The following TRIM77 variants were observed in gnomAD, a reference collection of about 807,000 sequenced individuals.
TRIM77 encodes tripartite motif containing 77.
Under a neutral mutation model 31.8 loss-of-function variants are expected in TRIM77, and 23 were observed. The observed-to-expected ratio is 0.72, with a 90% CI of 0.52 to 1.02. The LOEUF (loss-of-function observed/expected upper bound fraction) is 1.02. Ranked by LOEUF, TRIM77 falls within the 50% of genes least tolerant of loss-of-function variation. The pLI is 0.00. For missense variants in TRIM77, 446 were observed against 539.2 expected (o/e 0.83, Z 1.71); for synonymous variants, 159 against 183.1 (o/e 0.87, Z 1.06).
rs773168919 is a variant in TRIM77, at chr11:89,717,397, G to A, written c.878G>A (p.Arg293His). 65 of 1,549,646 alleles carry A rather than the reference G, an allele frequency of 4.2e-5. 1 individual carries two copies. The highest frequency in any genetic ancestry group is 1.2e-4 in the South Asian group (10 of 83,858). ...GCCATAGTGTATATCACCTTGGATC[G>A]TAAGATATGCAGTAATCACAAGCTT... ...NFFRVYITLD[R>H]KICSNHKLLF... Residue 293 changes from arginine to histidine, a missense_variant, in exon 6 of 6, where the codon CGT becomes CAT. This residue lies in a region of TRIM77 where 366 missense variants were observed against 447.9 expected (regional missense o/e 0.82). Coordinates refer to ENST00000398290, the MANE Select transcript of TRIM77 (RefSeq NM_001146162.1).
Position 89,710,473 on chromosome 11 carries a change from T to A in TRIM77, c.175T>A (p.Ser59Thr), listed in dbSNP as rs1407938153. Residue 59 changes from serine to threonine, a missense_variant, in exon 1 of 6, where the codon TCA (serine) becomes ACA (threonine). Around this residue, in one of 3 missense-constraint regions of TRIM77, gnomAD observed 8 missense variants for 26.5 expected, o/e 0.30. Coordinates refer to ENST00000398290, the MANE Select transcript of TRIM77 (RefSeq NM_001146162.1). ...TTGCTGCCCTGTGTGCAGGGAAATA[T>A]CACAGCAAATGTACTTCAAACGCAT... ...PNCCPVCREI[S>T]QQMYFKRIIF... The A allele has an allele frequency of 6.4e-7, 1 of 1,551,618 alleles. No individual in the cohort carries two copies. The highest frequency in any genetic ancestry group is 8.7e-7 in the Non-Finnish European group (1 of 1,146,868).
chr11:89,712,544 A>G (rs1949129492), intron 2 of TRIM77, among the ~76,000 whole-genome samples: 1 of 152,230 alleles, frequency 6.6e-6, no homozygotes, highest in African/African-American at 2.4e-5. Flanking sequence ...ATGCTGGCCA[A>G]GAAGAACCCA....
At chr11:89,715,259 T>C (rs1385774404) in intron 4 of TRIM77, 79 bp downstream of exon 4, 2 of 1,275,860 alleles carry the variant, frequency 1.6e-6, no homozygotes, top group South Asian at 2.6e-5. Context: ...CCCACACTTT[T>C]AGTGAGGAAT....
chr11:89,717,699 C>A lies in TRIM77; in HGVS notation c.1180C>A (p.Pro394Thr). ...CCATTTCAGTCTCTTCTCTACCTCC[C>A]CACTGTTACCTCACTATATTCCAAG... ...DDHFSLFSTS[P>T]LLPHYIPRPQ... Residue 394 changes from proline (P) to threonine (T), a missense_variant, in exon 6 of 6, where the codon CCA (proline) becomes ACA (threonine). Pro to Thr is a conservative substitution (Grantham distance 38). Transcript: ENST00000398290. 1 of 1,551,264 alleles carries A rather than the reference C, an allele frequency of 6.4e-7. No homozygotes were observed. Among genetic ancestry groups the A allele is most frequent in the Non-Finnish European group, 8.7e-7 (1 of 1,146,708 alleles).
chr11:89,710,396 G>A lies in TRIM77; in HGVS notation c.98G>A (p.Arg33Lys). The change falls in exon 1 of 6, where the codon AGA becomes AAA. Residue 33 changes from arginine (R) to lysine (K), a missense_variant. Around this residue, in one of 3 missense-constraint regions of TRIM77, gnomAD observed 72 missense variants for 64.7 expected, o/e 1.11. Transcript: ENST00000398290. ...CCTGTCACCATTTGTTGTGGGCACAGATTTTGTAGTCCCTGTCTCTGCCTC... is the reference window on the plus strand; with the variant it reads ...CCTGTCACCATTTGTTGTGGGCACAAATTTTGTAGTCCCTGTCTCTGCCTC... Reference protein sequence around the residue: ...TDPVTICCGHRFCSPCLCLLW... With the variant: ...TDPVTICCGHKFCSPCLCLLW... 2 of 1,551,986 alleles carry A rather than the reference G, an allele frequency of 1.3e-6. No homozygotes were observed. The highest frequency in any genetic ancestry group is 1.7e-6 in the Non-Finnish European group (2 of 1,147,036).
At position 89,715,950 on chromosome 11, in the gene TRIM77, C is replaced by T. The variant is rs1267699538; in HGVS notation, c.822C>T (p.Thr274=). 10 of 1,548,096 alleles carry T rather than the reference C, an allele frequency of 6.5e-6. No individual in the cohort carries two copies. Among genetic ancestry groups the T allele is most frequent in the Non-Finnish European group, 8.7e-6 (10 of 1,144,502 alleles). The change falls in exon 5 of 6, where the codon ACC becomes ACT. Residue 274 remains threonine (T), a synonymous_variant. Coordinates refer to ENST00000398290, the MANE Select transcript of TRIM77 (RefSeq NM_001146162.1). The part of the protein sequence containing the change: ...QPVNPQLSAW[T]ITGVSERLNF... ...TGAACCCACAGCTCAGTGCATGGAC[C>T]ATCACTGGGGTGTCAGAAAGGCTTA... is the stretch of plus-strand genomic sequence containing the variant.
chr11:89,711,109 T>C (rs965655105), intron 1 of TRIM77, among the ~76,000 whole-genome samples: 4 of 152,194 alleles, frequency 2.6e-5, no homozygotes, highest in African/African-American at 9.6e-5. Flanking sequence ...GTACTGTAGA[T>C]AAGTTGAGGG....
chr11:89,713,287 A>T (rs1389328114), intron 2 of TRIM77, among the ~76,000 whole-genome samples: 34 of 149,042 alleles, frequency 2.3e-4, no homozygotes, highest in African/African-American at 8.4e-4. Flanking sequence ...AAAAAAAAAA[A>T]AAAAAAAAAA....
intron 2 of TRIM77, among the ~76,000 whole-genome samples, chr11:89,713,659 G>A (rs959095758): frequency 1.3e-5 from 2 of 151,854 alleles, no homozygotes; most frequent in East Asian, 1.9e-4. Flanking sequence ...GAAGACAGAC[G>A]CAGGCAGAAG....
intron 2 of TRIM77, among the ~76,000 whole-genome samples, chr11:89,712,599 G>T (rs1285396186): frequency 6.6e-6 from 1 of 152,200 alleles, no homozygotes; most frequent in Non-Finnish European, 1.5e-5. Flanking sequence ...CAGTGGCTTT[G>T]TAAGAATGTA....
At position 89,717,604 on chromosome 11, in the gene TRIM77, G is replaced by A. The variant is rs1262179846; in HGVS notation, c.1085G>A (p.Trp362Ter). The change falls in exon 6 of 6, where the codon TGG becomes TAG. Residue 362 changes from tryptophan to a stop codon, truncating the protein, a stop_gained. Transcript: ENST00000398290. LOFTEE classifies it low-confidence loss of function (END_TRUNC). ...NWVIGLCREA[W>*]TKRNDMRLDS... ...GTTATAGGACTTTGCAGAGAAGCCT[G>A]GACAAAGAGGAATGACATGCGACTT... The A allele has an allele frequency of 6.4e-7, 1 of 1,551,252 alleles. No individual in the cohort carries two copies. The highest frequency in any genetic ancestry group is 2.4e-5 in the East Asian group (1 of 40,914).
intron 5 of TRIM77, among the ~76,000 whole-genome samples, chr11:89,716,923 T>C (rs1292467961): frequency 6.6e-6 from 1 of 152,198 alleles, no homozygotes; most frequent in Non-Finnish European, 1.5e-5. Flanking sequence ...TGGCATCTTA[T>C]GAATAAGCTG....
At position 89,710,652 on chromosome 11, in the gene TRIM77, C is replaced by G; in HGVS notation, c.354C>G (p.Ser118=). ...TGCTGTGTTTTCTATGCTCTCAATC[C>G]CCAAGGCATGCTACTCACAAACACT... ...RSLLCFLCSQ[S]PRHATHKHYM... is the part of the protein sequence containing the mutation. Residue 118 remains serine, a synonymous_variant, in exon 1 of 6, where the codon TCC becomes TCG. Coordinates refer to ENST00000398290, the MANE Select transcript of TRIM77 (RefSeq NM_001146162.1). The G allele has an allele frequency of 6.4e-7, 1 of 1,550,698 alleles. No individual in the cohort carries two copies. Among genetic ancestry groups the G allele is most frequent in the Non-Finnish European group, 8.7e-7 (1 of 1,146,448 alleles).
intron 4 of TRIM77, among the ~76,000 whole-genome samples, chr11:89,715,614 A>C (rs1303411281): frequency 6.6e-6 from 1 of 152,214 alleles, no homozygotes; most frequent in Admixed American, 6.5e-5. Context: ...CAGATTTCAG[A>C]AATTAAATGA....
rs771304276 is a variant in TRIM77 at position 89,714,380 on chromosome 11, A to G, written c.696A>G (p.Lys232=). 52 of 1,551,558 alleles carry G rather than the reference A, an allele frequency of 3.4e-5. 1 individual carries two copies. Among genetic ancestry groups the G allele is most frequent in the Non-Finnish European group, 4.4e-5 (51 of 1,146,992 alleles). ...TACTCCTGAGAGAAATGTATGAGAA[A>G]CTGAAGGAAATGAGCTGTAAAGCAG... ...MGILLREMYE[K]LKEMSCKADV... The change falls in exon 3 of 6, where the codon AAA becomes AAG. Residue 232 remains lysine, a synonymous_variant. Coordinates refer to ENST00000398290, the MANE Select transcript of TRIM77 (RefSeq NM_001146162.1).
At position 89,717,830 on chromosome 11, in the gene TRIM77, C is replaced by T; in HGVS notation, c.1311C>T (p.Phe437=). 1.9e-6 allele frequency: 3 copies of T among 1,548,828 alleles called. No individual in the cohort carries two copies. The highest frequency in any genetic ancestry group is 2.6e-6 in the Non-Finnish European group (3 of 1,145,570). The change falls in exon 6 of 6, where the codon TTC becomes TTT. Residue 437 remains phenylalanine (F), a synonymous_variant. Coordinates refer to ENST00000398290, the MANE Select transcript of TRIM77 (RefSeq NM_001146162.1). ...TTTGTAGTTTCCTCTCACGCATCTT[C>T]TATTTTCCTCTCAGACCTTTCATTT... ...SLICSFLSRI[F]YFPLRPFICH... is the part of the protein sequence containing the mutation.
chr11:89,713,199 C>G (rs1949134693), intron 2 of TRIM77, among the ~76,000 whole-genome samples: 2 of 150,216 alleles, frequency 1.3e-5, no homozygotes, highest in African/African-American at 4.9e-5. Flanking sequence ...TCACTTGAAC[C>G]CGGGAGGCAG....
At chr11:89,710,868 A>G (rs1024108744) in intron 1 of TRIM77, among the ~76,000 whole-genome samples, 159 bp downstream of exon 1, 6 of 152,220 alleles carry the variant, frequency 3.9e-5, no homozygotes, top group Admixed American at 3.9e-4. Flanking sequence ...CTAGACACTA[A>G]GATAAAGCAC....
At position 89,717,622 on chromosome 11, in the gene TRIM77, T is replaced by A; in HGVS notation, c.1103T>A (p.Met368Lys). The stretch of plus-strand genomic sequence containing the variant: ...GAAGCCTGGACAAAGAGGAATGACA[T>A]GCGACTTGACTCTGAGGGTATCTTT... ...CREAWTKRND[M>K]RLDSEGIFLL... Residue 368 changes from methionine to lysine, a missense_variant, in exon 6 of 6, where the codon ATG becomes AAG. By Grantham distance (95) the Met-to-Lys change is moderately conservative (BLOSUM62 -1). Coordinates refer to ENST00000398290, the MANE Select transcript of TRIM77 (RefSeq NM_001146162.1). 6.4e-7 allele frequency: 1 copy of A among 1,551,384 alleles called. No homozygotes were observed. Among genetic ancestry groups the A allele is most frequent in the Non-Finnish European group, 8.7e-7 (1 of 1,146,768 alleles).
Sources: allele counts gnomAD v4.1 joint callset (sites outside exome capture counted in the v4.1 genomes callset), GRCh38; gene constraint gnomAD v4.1.1; regional missense constraint gnomAD v4.1.1; transcripts MANE v1.5; gene names NCBI Gene and HGNC (gene_info 2026-07-23, HGNC 2026-07-21).